Variants in CORO1B observed in about 807,000 individuals in gnomAD.
CORO1B encodes the protein coronin-1B.
A neutral mutation model predicts 51.1 loss-of-function variants in CORO1B; 30 were observed. That is an observed-to-expected ratio of 0.59 (90% CI 0.44 to 0.80). The LOEUF (loss-of-function observed/expected upper bound fraction) is 0.80. Among genes scored for constraint, CORO1B ranks in the 30% least tolerant of loss-of-function variants. CORO1B has a pLI of 0.00. For synonymous variants in CORO1B, 310 were observed against 289.7 expected (o/e 1.07, Z -0.71); for missense variants, 648 against 700.4 (o/e 0.93, Z 0.84).
At chr11:67,441,554 CAGG>C in intron 4 of CORO1B, 40 bp from the exon 5 acceptor site, 2 of 1,593,358 alleles carry the variant, frequency 1.3e-6, no homozygotes, top group African/African-American at 1.3e-5. Context: ...GGGTGGGTGG[CAGG>C]AGGCCATTAG....
chr11:67,439,366 C>T (rs757372060), intron 9 of CORO1B, among the ~76,000 whole-genome samples: 9 of 152,224 alleles, frequency 5.9e-5, no homozygotes, highest in Admixed American at 1.3e-4. Context: ...ACATGTGGCC[C>T]GGTCCCCTCT....
chr11:67,440,299 T>A (rs1170859607), intron 7 of CORO1B, 36 bp from the exon 8 acceptor site: 2 of 1,612,610 alleles, frequency 1.2e-6, no homozygotes, highest in African/African-American at 1.3e-5. Flanking sequence ...TGGGCACGCC[T>A]CTTCCCTGCC....
At chr11:67,439,000 TC>T (rs1225723054) in intron 9 of CORO1B, 51 bp from the exon 10 acceptor site, 14 of 1,531,154 alleles carry the variant, frequency 9.1e-6, no homozygotes, top group Non-Finnish European at 5.3e-6. Context: ...CCCATCAGGG[TC>T]CCCTCATCCC....
rs1361439759 is a variant in CORO1B at position 67,436,270 on chromosome 11, G to A, written c.*2106C>T. On this transcript the variant is annotated 3_prime_UTR_variant, in exon 11 of 11. Coordinates refer to ENST00000341356, the MANE Select transcript of CORO1B (RefSeq NM_020441.3). ...CAACGGTGACAGAGCTGGAGCCCAC[G>A]CTGTCCTCCGCGCTGCCACCCGAGC... 20 of 1,541,896 alleles carry A rather than the reference G, an allele frequency of 1.3e-5. 1 individual carries two copies. The South Asian group carries it at 1.7e-4, about 13-fold the overall frequency.
chr11:67,441,134 G>T lies in CORO1B; in HGVS notation c.747C>A (p.Leu249=). The T allele has an allele frequency of 6.2e-7, 1 of 1,613,014 alleles. No individual in the cohort carries two copies. The highest frequency in any genetic ancestry group is 8.5e-7 in the Non-Finnish European group (1 of 1,179,994). ...CAGGCTGGCCACTCACTGGGTCCCA[G>T]AGCGCCAGCTGCCGCTCGCTCATTC... ...FSRMSERQLA[L]WDPENLEEPM... is the part of the protein sequence containing the mutation. Residue 249 remains leucine, a synonymous_variant, in exon 6 of 11, where the codon CTC becomes CTA. Transcript: ENST00000341356.
In CORO1B at chr11:67,436,514, C is replaced by T; in HGVS notation, c.*1862G>A. 2.5e-6 allele frequency: 2 copies of T among 796,374 alleles called. No individual in the cohort carries two copies. Among genetic ancestry groups the T allele is most frequent in the Non-Finnish European group, 3.7e-6 (2 of 544,394 alleles). 49.3% of individuals were successfully genotyped at this position (796,374 alleles called of 1,614,324 possible). A position where few individuals can be genotyped will look rare whatever the true frequency, so the allele number is the denominator to read the frequency against. ...CCTTATTTGGTCAACCAGGCTCTGGCCCTGTGAGATCAGCCCCCATCCCTC... is the reference window on the plus strand; with the variant it reads ...CCTTATTTGGTCAACCAGGCTCTGGTCCTGTGAGATCAGCCCCCATCCCTC... On this transcript the variant is annotated 3_prime_UTR_variant, in exon 11 of 11. Coordinates refer to ENST00000341356, the MANE Select transcript of CORO1B (RefSeq NM_020441.3).
chr11:67,442,014 A>G lies in CORO1B; in HGVS notation c.276T>C (p.Pro92=), dbSNP rs761635879. ...TGPVLDIDWC[P]HNDEVIASGS... is the part of the protein sequence containing the mutation. ...CGCTGGCTATGACTTCGTCGTTGTG[A>G]GGACACCAGTCGATGTCCAGGACAG... Residue 92 remains proline (P), a synonymous_variant, in exon 3 of 11, where the codon CCT becomes CCC. Transcript: ENST00000341356. The G allele has an allele frequency of 1.2e-6, 2 of 1,613,090 alleles. No individual in the cohort carries two copies. Among genetic ancestry groups the G allele is most frequent in the African/African-American group, 2.7e-5 (2 of 74,924 alleles).
In CORO1B at chr11:67,442,106, C is replaced by CA. The variant is rs779218228; in HGVS notation, c.202-19dup. On this transcript the variant is annotated intron_variant, in intron 2 of 10. Transcript: ENST00000341356. ...CGGCCCGTCTGTGGGCACGAGGGGG[C>CA]AGTCAGTGGGCTCCATCCCTCCCGA... 46 of 1,605,364 alleles carry CA rather than the reference C, an allele frequency of 2.9e-5. No homozygotes were observed. In the Middle Eastern group the frequency reaches 1.3e-3, roughly 47 times the overall value.
In CORO1B at chr11:67,437,962, T is replaced by G; in HGVS notation, c.*414A>C. ...TGGGGCTGCTCACTGCCCCCAGACC[T>G]TCTGCACATGTGTGACTCCTGTGAC... On this transcript the variant is annotated 3_prime_UTR_variant, in exon 11 of 11. Coordinates refer to ENST00000341356, the MANE Select transcript of CORO1B (RefSeq NM_020441.3). The G allele has an allele frequency of 2.8e-6, 1 of 362,348 alleles. No individual in the cohort carries two copies. Among genetic ancestry groups the G allele is most frequent in the Non-Finnish European group, 4.9e-6 (1 of 202,678 alleles). 22.4% of individuals were successfully genotyped at this position (362,348 alleles called of 1,614,324 possible).
Position 67,441,699 on chromosome 11 carries a change from G to GA in CORO1B, c.454+33_454+34insT, listed in dbSNP as rs1026090033. 2.7e-6 allele frequency: 4 copies of GA among 1,498,154 alleles called. No homozygotes were observed. The African/African-American group carries it at 5.6e-5, about 21-fold the overall frequency. The allele number at this position is 1,498,154 out of a possible 1,614,324, so 92.8% of individuals were successfully genotyped here. A position where few individuals can be genotyped will look rare whatever the true frequency, so the allele number is the denominator to read the frequency against. ...CTGGGATGTATGGAGGGGTCCGTGG[G>GA]GGGGGGGAGCACAAAACGGGGGGCG... is the stretch of plus-strand genomic sequence containing the variant. On this transcript the variant is annotated intron_variant, in intron 4 of 10. Transcript: ENST00000341356.
In CORO1B at chr11:67,438,905, G is replaced by C. The variant is rs763824097; in HGVS notation, c.1110C>G (p.Pro370=). ...QDDLYPDTAG[P]EAALEAEEWV... is the part of the protein sequence containing the mutation. The stretch of plus-strand genomic sequence containing the variant: ...ACTCCTCAGCCTCCAGGGCTGCCTC[G>C]GGCCCGGCTGTGTCGGGGTACAGAT... The change falls in exon 10 of 11, where the codon CCC becomes CCG. Residue 370 remains proline (P), a synonymous_variant. Coordinates refer to ENST00000341356, the MANE Select transcript of CORO1B (RefSeq NM_020441.3). 8 of 1,609,132 alleles carry C rather than the reference G, an allele frequency of 5.0e-6. No individual in the cohort carries two copies. In the Admixed American group the frequency reaches 6.7e-5, roughly 13 times the overall value.
rs367989759 is a variant in CORO1B, at chr11:67,438,785, G to C, written c.1230C>G (p.Asn410Lys). The C allele has an allele frequency of 6.3e-7, 1 of 1,597,024 alleles. No individual in the cohort carries two copies. The highest frequency in any genetic ancestry group is 1.3e-5 in the African/African-American group (1 of 74,736). Residue 410 changes from asparagine to lysine, a missense_variant, in exon 10 of 11, where the codon AAC (asparagine) becomes AAG (lysine). Coordinates refer to ENST00000341356, the MANE Select transcript of CORO1B (RefSeq NM_020441.3). ...TGGCGGGCCGGCTGTCAGACAACACGTTGCGCCGGCTGATCTTCAGGTCCC... is the reference window on the plus strand; with the variant it reads ...TGGCGGGCCGGCTGTCAGACAACACCTTGCGCCGGCTGATCTTCAGGTCCC... ...KQRDLKISRR[N>K]VLSDSRPAMA... is the part of the protein sequence containing the mutation.
At position 67,437,021 on chromosome 11, in the gene CORO1B, G is replaced by C. The variant is rs1281788043; in HGVS notation, c.*1355C>G. On this transcript the variant is annotated 3_prime_UTR_variant, in exon 11 of 11. Coordinates refer to ENST00000341356, the MANE Select transcript of CORO1B (RefSeq NM_020441.3). Reference sequence around the variant, plus strand: ...AGGGCTGGCTCTCCCTGAGGCCTGGGATGGGGGATGGAGGGGCCTGGATGC... The same window carrying C: ...AGGGCTGGCTCTCCCTGAGGCCTGGCATGGGGGATGGAGGGGCCTGGATGC... 6.6e-6 allele frequency: 1 copy of C among 152,382 alleles called. No homozygotes were observed. The highest frequency in any genetic ancestry group is 1.5e-5 in the Non-Finnish European group (1 of 68,178). The allele number at this position is 152,382 out of a possible 1,614,324, so 9.4% of individuals were successfully genotyped here.
Position 67,438,428 on chromosome 11 carries a change from CG to C in CORO1B, c.1417del (p.Arg473AlafsTer161). 1 of 1,610,806 alleles carries C rather than the reference CG, an allele frequency of 6.2e-7. No homozygotes were observed. The highest frequency in any genetic ancestry group is 1.3e-5 in the African/African-American group (1 of 75,034). ...CAGCTGCTCCTCCAGGCGGCAGATG[CG>C]GTCGCCCTGCTCCTTGACCAGCGCC... is the stretch of plus-strand genomic sequence containing the variant. ...LRALVKEQGDRICRLEEQLGR... is the reference protein window; with the variant it reads ...LRALVKEQGDXICRLEEQLGR... On this transcript the variant is annotated frameshift_variant, in exon 11 of 11. Transcript: ENST00000341356. LOFTEE classifies it high-confidence loss of function.
In CORO1B at chr11:67,440,452, A is replaced by G; in HGVS notation, c.757-13T>C. On this transcript the variant is annotated splice_polypyrimidine_tract_variant and intron_variant, in intron 6 of 10. Coordinates refer to ENST00000341356, the MANE Select transcript of CORO1B (RefSeq NM_020441.3). ...CCTCGAGGTTTTCCTGGCACATTGC[A>G]GGCAGTCAGGCCAAGCAGAACCTCC... 3 of 1,612,676 alleles carry G rather than the reference A, an allele frequency of 1.9e-6. No individual in the cohort carries two copies. Among genetic ancestry groups the G allele is most frequent in the Non-Finnish European group, 1.7e-6 (2 of 1,179,284 alleles).
intron 4 of CORO1B, 53 bp from the exon 5 acceptor site, chr11:67,441,567 G>A: frequency 6.3e-7 from 1 of 1,580,340 alleles, no homozygotes; most frequent in Non-Finnish European, 8.6e-7. Flanking sequence ...GAGGCCATTA[G>A]CTCACCAGGC....
In CORO1B at chr11:67,437,316, C is replaced by A. The variant is rs1386392018; in HGVS notation, c.*1060G>T. 7 of 343,852 alleles carry A rather than the reference C, an allele frequency of 2.0e-5. No individual in the cohort carries two copies. The highest frequency in any genetic ancestry group is 3.7e-5 in the Non-Finnish European group (7 of 191,374). 21.3% of individuals were successfully genotyped at this position (343,852 alleles called of 1,614,324 possible). On this transcript the variant is annotated 3_prime_UTR_variant, in exon 11 of 11. Transcript: ENST00000341356. Reference sequence around the variant, plus strand: ...GAGGTGCAGCCAGCCTCCCCCACCACCCCAGGCTGTCCGCCCAGGCTCCAG... The same window carrying A: ...GAGGTGCAGCCAGCCTCCCCCACCAACCCAGGCTGTCCGCCCAGGCTCCAG...
intron 9 of CORO1B, 65 bp downstream of exon 9, chr11:67,439,721 G>A: frequency 5.4e-6 from 8 of 1,491,270 alleles, no homozygotes; most frequent in Non-Finnish European, 6.4e-6. Context: ...CCTCGCCCTG[G>A]TCACAACTGC....
intron 6 of CORO1B, chr11:67,440,827 G>A (rs772757444): frequency 1.4e-5 from 9 of 659,496 alleles, no homozygotes; most frequent in African/African-American, 1.1e-4. Flanking sequence ...TTCTGGAGGA[G>A]CGGGGAGCCC....
Sources: gnomAD v4.1 joint callset for allele counts (sites outside exome capture counted in the v4.1 genomes callset) on GRCh38, gnomAD v4.1.1 for gene constraint, MANE v1.5 for transcripts, NCBI Gene and HGNC (gene_info 2026-07-23, HGNC 2026-07-21) for gene names.